Variants in ANKRD50 observed in about 807,000 individuals in gnomAD.
ANKRD50 encodes ankyrin repeat domain 50.
In ANKRD50, 40 loss-of-function variants were observed where a neutral mutation model predicts 112.0. That is an observed-to-expected ratio of 0.36 (90% CI 0.28 to 0.46). The LOEUF (loss-of-function observed/expected upper bound fraction) is 0.46, where lower values mean the gene tolerates loss of function less well. ANKRD50 is among the 20% of genes least tolerant of loss of function. The pLI, the probability that ANKRD50 is intolerant of heterozygous loss-of-function variation, is 1.00. For synonymous variants in ANKRD50, 613 were observed against 619.1 expected (o/e 0.99, Z 0.15); for missense variants, 1,487 against 1,701.7 (o/e 0.87, Z 2.22).
At chr4:124,702,857 T>C (rs1231248939) in intron 2 of ANKRD50, among the ~76,000 whole-genome samples, 2 of 152,146 alleles carry the variant, frequency 1.3e-5, no homozygotes, top group Non-Finnish European at 2.9e-5. Flanking sequence ...TAGTTGACAC[T>C]GAATACTTGA....
intron 2 of ANKRD50, among the ~76,000 whole-genome samples, chr4:124,690,207 A>T (rs763599045): frequency 1.3e-5 from 2 of 152,166 alleles, no homozygotes; most frequent in Non-Finnish European, 2.9e-5. Flanking sequence ...TGTGGCAAAA[A>T]CTGTTACTGT....
chr4:124,686,944 A>G (rs908749016), intron 2 of ANKRD50, among the ~76,000 whole-genome samples: 1 of 152,196 alleles, frequency 6.6e-6, no homozygotes, highest in African/African-American at 2.4e-5. Context: ...TGCAGAAAAC[A>G]AAAACTAGGC....
intron 2 of ANKRD50, among the ~76,000 whole-genome samples, chr4:124,699,161 T>G (rs1039597055): frequency 6.6e-6 from 1 of 151,854 alleles, no homozygotes; most frequent in Admixed American, 6.6e-5. Context: ...GTGAGTAGAG[T>G]AGATCTGAAT....
chr4:124,682,974 T>C (rs1404596417), intron 2 of ANKRD50, among the ~76,000 whole-genome samples: 1 of 151,964 alleles, frequency 6.6e-6, no homozygotes, highest in Non-Finnish European at 1.5e-5. Context: ...GGAATAGAAT[T>C]GTTAGATTAA....
chr4:124,671,141 A>G lies in ANKRD50; in HGVS notation c.2136T>C (p.Thr712=). 1.9e-6 allele frequency: 3 copies of G among 1,613,854 alleles called. No homozygotes were observed. Among genetic ancestry groups the G allele is most frequent in the Non-Finnish European group, 2.5e-6 (3 of 1,179,850 alleles). Residue 712 remains threonine (T), a synonymous_variant, in exon 4 of 5, where the codon ACT becomes ACC. Coordinates refer to ENST00000504087, the MANE Select transcript of ANKRD50 (RefSeq NM_020337.3). ...EVNHEDVDGR[T]ALSVAALCVP... is the part of the protein sequence containing the mutation. ...CACAAAGTGCAGCTACAGAGAGTGCAGTCCTGCCATCAACATCCTCATGAT... is the reference window on the plus strand; with the variant it reads ...CACAAAGTGCAGCTACAGAGAGTGCGGTCCTGCCATCAACATCCTCATGAT...
In ANKRD50 at chr4:124,671,064, C is replaced by T. The variant is rs760440727; in HGVS notation, c.2213G>A (p.Gly738Asp). The change falls in exon 4 of 5, where the codon GGT becomes GAT. Residue 738 changes from glycine (G) to aspartate (D), a missense_variant. Transcript: ENST00000504087. ...TTTATCACAATGATCTACTTCAGCA[C>T]CTCGATCAATTAAAAGGCTAACAAC... ...ASVVSLLIDR[G>D]AEVDHCDKDG... 9 of 1,613,658 alleles carry T rather than the reference C, an allele frequency of 5.6e-6. No homozygotes were observed. The Admixed American group carries it at 1.0e-4, about 18-fold the overall frequency.
rs1426371529 is a variant in ANKRD50, at chr4:124,665,694, G to T, written c.*1824C>A. On this transcript the variant is annotated 3_prime_UTR_variant, in exon 5 of 5. Transcript: ENST00000504087. ...TTTAATAAATGTCCCATAGGGACAAGAATTCAATACTTGAAACATTCACAT... is the reference window on the plus strand; with the variant it reads ...TTTAATAAATGTCCCATAGGGACAATAATTCAATACTTGAAACATTCACAT... 2 of 152,464 alleles carry T rather than the reference G, an allele frequency of 1.3e-5. No homozygotes were observed. Among genetic ancestry groups the T allele is most frequent in the East Asian group, 3.9e-4 (2 of 5,170 alleles). 9.4% of individuals were successfully genotyped at this position (152,464 alleles called of 1,614,324 possible).
chr4:124,676,511 T>C (rs1196420829), intron 3 of ANKRD50, among the ~76,000 whole-genome samples: 1 of 151,562 alleles, frequency 6.6e-6, no homozygotes, highest in Non-Finnish European at 1.5e-5. Context: ...CATATCTATA[T>C]GTACACACAC....
rs989636342 is a variant in ANKRD50, at chr4:124,668,971, G to A, written c.*3+13C>T. 1.9e-6 allele frequency: 3 copies of A among 1,587,576 alleles called. No individual in the cohort carries two copies. In the African/African-American group the frequency reaches 4.1e-5, roughly 22 times the overall value. ...ACTTTTGTTTTTTACTCTTTATGTT[G>A]ACAAAATATTACCTTTTATAATGGT... On this transcript the variant is annotated intron_variant, in intron 4 of 4. Coordinates refer to ENST00000504087, the MANE Select transcript of ANKRD50 (RefSeq NM_020337.3).
At chr4:124,712,180 T>C (rs1056341004) in intron 1 of ANKRD50, among the ~76,000 whole-genome samples, 3 of 151,442 alleles carry the variant, frequency 2.0e-5, no homozygotes, top group African/African-American at 7.3e-5. Context: ...CGCACCGAGA[T>C]TGGGGTGTGT....
rs745787834 is a variant in ANKRD50 at position 124,669,129 on chromosome 4, C to A, written c.4148G>T (p.Arg1383Leu). ...CTGATGCCCTCTATCTTGCATTGTT[C>A]GTGGGACTGAAACCCTACCAAGAAA... ...QVFLGRVSVP[R>L]TMQDRGHQEV... Residue 1383 changes from arginine (R) to leucine (L), a missense_variant, in exon 4 of 5, where the codon CGA (arginine) becomes CTA (leucine). By Grantham distance (102) the Arg-to-Leu change is moderately radical (BLOSUM62 -2). Around this residue, in one of 2 missense-constraint regions of ANKRD50, gnomAD observed 441 missense variants for 432.2 expected, o/e 1.02. Transcript: ENST00000504087. 3.4e-5 allele frequency: 55 copies of A among 1,613,486 alleles called. No individual in the cohort carries two copies. Among genetic ancestry groups the A allele is most frequent in the Middle Eastern group, 1.6e-4 (1 of 6,074 alleles).
intron 2 of ANKRD50, among the ~76,000 whole-genome samples, 196 bp downstream of exon 2, chr4:124,709,804 T>C (rs1255667638): frequency 1.3e-5 from 2 of 152,188 alleles, no homozygotes; most frequent in African/African-American, 2.4e-5. Flanking sequence ...TTTTAATCCA[T>C]ATGCTGTGCA....
chr4:124,703,595 G>C (rs1725441346), intron 2 of ANKRD50, among the ~76,000 whole-genome samples: 1 of 151,650 alleles, frequency 6.6e-6, no homozygotes, highest in African/African-American at 2.4e-5. Flanking sequence ...CTTATATAAA[G>C]ACAGCAGCTG....
rs191290966 is a variant in ANKRD50 at position 124,693,007 on chromosome 4, A to G, written c.513-14102T>C. Among the ~76,000 whole-genome samples, 13 of 152,292 alleles carry G rather than the reference A, an allele frequency of 8.5e-5. 1 individual carries two copies. Among genetic ancestry groups the G allele is most frequent in the Admixed American group, 2.6e-4 (4 of 15,292 alleles). On this transcript the variant is annotated intron_variant, in intron 2 of 4. Transcript: ENST00000504087. ...AGAAACAAAGGTTTTGAGGGTAAGC[A>G]GCTTGCTAAGTGAGACAAGTAGTAA...
intron 2 of ANKRD50, among the ~76,000 whole-genome samples, chr4:124,699,495 T>C (rs1725339635): frequency 6.6e-6 from 1 of 152,072 alleles, no homozygotes. Flanking sequence ...TGAATTCAAG[T>C]TTTTTCTCCT....
intron 2 of ANKRD50, among the ~76,000 whole-genome samples, chr4:124,698,775 A>G (rs1725314879): frequency 6.6e-6 from 1 of 152,154 alleles, no homozygotes; most frequent in Admixed American, 6.5e-5. Flanking sequence ...TTAGGATTGT[A>G]TTGAATCTAT....
At chr4:124,705,084 A>G (rs549319163) in intron 2 of ANKRD50, among the ~76,000 whole-genome samples, 1 of 144,666 alleles carries the variant, frequency 6.9e-6, no homozygotes, top group African/African-American at 2.7e-5. Context: ...ACAGAGCAAG[A>G]CTCCATCTCA....
At position 124,665,747 on chromosome 4, in the gene ANKRD50, T is replaced by G. The variant is rs192674826; in HGVS notation, c.*1771A>C. On this transcript the variant is annotated 3_prime_UTR_variant, in exon 5 of 5. Transcript: ENST00000504087. The stretch of plus-strand genomic sequence containing the variant: ...GAGTTATTAATATTGCCATGTCACC[T>G]TAATATCAATTGAACTTATCAACTT... 247 of 152,528 alleles carry G rather than the reference T, an allele frequency of 1.6e-3. No homozygotes were observed. The highest frequency in any genetic ancestry group is 5.7e-3 in the African/African-American group (236 of 41,554). The allele number at this position is 152,528 out of a possible 1,614,324, so 9.4% of individuals were successfully genotyped here. A position where few individuals can be genotyped will look rare whatever the true frequency, so the allele number is the denominator to read the frequency against.
intron 2 of ANKRD50, among the ~76,000 whole-genome samples, chr4:124,684,974 C>T (rs1470951258): frequency 1.3e-5 from 2 of 152,168 alleles, no homozygotes; most frequent in African/African-American, 4.8e-5. Context: ...TACTTCTTAT[C>T]CTTCAGGTTT....
Sources: gnomAD v4.1 joint callset for allele counts (sites outside exome capture counted in the v4.1 genomes callset) on GRCh38, gnomAD v4.1.1 for gene constraint, gnomAD v4.1.1 regional missense constraint, MANE v1.5 for transcripts, NCBI Gene and HGNC (gene_info 2026-07-23, HGNC 2026-07-21) for gene names.